MLXIP: variants seen among roughly 807,000 people sequenced by gnomAD.
MLXIP encodes the protein MLX interacting protein, also known as MLX-interacting protein.
A neutral mutation model predicts 87.2 loss-of-function variants in MLXIP; 30 were observed. The ratio of observed to expected loss-of-function variants is 0.34; its 90% CI spans 0.26 to 0.47. The LOEUF (loss-of-function observed/expected upper bound fraction) is 0.47, where lower values mean the gene tolerates loss of function less well. MLXIP is among the 20% of genes least tolerant of loss of function. The pLI is 1.00. For missense variants in MLXIP, 1,002 were observed against 1,240.1 expected (o/e 0.81, Z 2.88); for synonymous variants, 530 against 514.0 (o/e 1.03, Z -0.42).
chr12:122,116,939 G>A (rs1952701389), intron 1 of MLXIP, among the ~76,000 whole-genome samples: 1 of 152,216 alleles, frequency 6.6e-6, no homozygotes, highest in African/African-American at 2.4e-5. Flanking sequence ...GGAAGGCCTG[G>A]ACACAGCCCA....
At chr12:122,081,233 A>G (rs754074925) in intron 1 of MLXIP, among the ~76,000 whole-genome samples, 4 of 152,048 alleles carry the variant, frequency 2.6e-5, no homozygotes, top group Non-Finnish European at 5.9e-5. Flanking sequence ...CCCTGTGCCT[A>G]AGGTCTCCTG....
chr12:122,102,430 A>T (rs143679453), intron 1 of MLXIP, among the ~76,000 whole-genome samples: 76,806 of 151,966 alleles, frequency 0.51, 19,922 homozygotes, highest in Middle Eastern at 0.64. Flanking sequence ...GTGGGAGAGC[A>T]TCGAGATCCA....
Position 122,137,599 on chromosome 12 carries a change from T to C in MLXIP, c.2154+9T>C. 1.9e-6 allele frequency: 3 copies of C among 1,613,310 alleles called. No individual in the cohort carries two copies. Among genetic ancestry groups the C allele is most frequent in the Non-Finnish European group, 2.5e-6 (3 of 1,179,494 alleles). On this transcript the variant is annotated intron_variant, in intron 12 of 16. Coordinates refer to ENST00000319080, the MANE Select transcript of MLXIP (RefSeq NM_014938.6). The surrounding 1 kb of genome is among the most constrained non-coding windows in gnomAD (Gnocchi z 4.1). ...ATGTGGCTGCACTAAAGGTACCGCATGTCTCCTCTTGGTTCCCTTGGGAGG... is the reference window on the plus strand; with the variant it reads ...ATGTGGCTGCACTAAAGGTACCGCACGTCTCCTCTTGGTTCCCTTGGGAGG...
At position 122,133,241 on chromosome 12, in the gene MLXIP, C is replaced by G. The variant is rs900662793; in HGVS notation, c.1093-107C>G. 1.5e-5 allele frequency: 20 copies of G among 1,351,412 alleles called. No homozygotes were observed. The highest frequency in any genetic ancestry group is 2.0e-5 in the Non-Finnish European group (20 of 1,005,360). 83.7% of individuals were successfully genotyped at this position (1,351,412 alleles called of 1,614,324 possible). ...GGACGTGGAGACGTGGCCTTTGTCCCTCTGTCCCAGCGCCCGGCCTGTGTA... is the reference window on the plus strand; with the variant it reads ...GGACGTGGAGACGTGGCCTTTGTCCGTCTGTCCCAGCGCCCGGCCTGTGTA... On this transcript the variant is annotated intron_variant, in intron 8 of 16. Transcript: ENST00000319080. The surrounding 1 kb of genome is among the most constrained non-coding windows in gnomAD (Gnocchi z 4.9).
At chr12:122,098,337 A>G (rs1952387107) in intron 1 of MLXIP, among the ~76,000 whole-genome samples, 2 of 152,152 alleles carry the variant, frequency 1.3e-5, no homozygotes, top group Admixed American at 1.3e-4. Context: ...AGGTTCTTGG[A>G]AAGATGGGGA....
chr12:122,127,192 C>G (rs1952894995), intron 1 of MLXIP, 64 bp from the exon 2 acceptor site: 2 of 1,318,704 alleles, frequency 1.5e-6, no homozygotes, highest in East Asian at 2.4e-5. Context: ...TCGGGTGGCA[C>G]TTTGTAATTT....
chr12:122,133,460 C>T lies in MLXIP; in HGVS notation c.1205C>T (p.Thr402Ile). 6.2e-7 allele frequency: 1 copy of T among 1,613,370 alleles called. No individual in the cohort carries two copies. The highest frequency in any genetic ancestry group is 1.1e-5 in the South Asian group (1 of 91,072). The change falls in exon 9 of 17, where the codon ACC (threonine) becomes ATC (isoleucine). Residue 402 changes from threonine to isoleucine, a missense_variant. By Grantham distance (89) the Thr-to-Ile change is moderately conservative. Coordinates refer to ENST00000319080, the MANE Select transcript of MLXIP (RefSeq NM_014938.6). The surrounding 1 kb of genome is among the most constrained non-coding windows in gnomAD (Gnocchi z 4.9). ...ATGGATGAGCAGGGCTGTGAACACACCTCCCGGACTGAGGACCCGTTTATC... is the reference window on the plus strand; with the variant it reads ...ATGGATGAGCAGGGCTGTGAACACATCTCCCGGACTGAGGACCCGTTTATC... ...AHMDEQGCEHTSRTEDPFIQP... is the reference protein window; with the variant it reads ...AHMDEQGCEHISRTEDPFIQP...
intron 1 of MLXIP, among the ~76,000 whole-genome samples, chr12:122,098,134 C>T (rs1415065039): frequency 6.6e-6 from 1 of 152,200 alleles, no homozygotes; most frequent in Non-Finnish European, 1.5e-5. Flanking sequence ...TTGCTGGCTC[C>T]TTGGAGCTAT....
At chr12:122,120,287 A>G (rs1289221456) in intron 1 of MLXIP, among the ~76,000 whole-genome samples, 2 of 151,718 alleles carry the variant, frequency 1.3e-5, no homozygotes, top group Admixed American at 6.6e-5. Flanking sequence ...CAGTGGTACA[A>G]TAGTGGCTCA....
At position 122,138,921 on chromosome 12, in the gene MLXIP, A is replaced by C. The variant is rs777776691; in HGVS notation, c.2491A>C (p.Asn831His). The change falls in exon 15 of 17, where the codon AAT becomes CAT. Residue 831 changes from asparagine (N) to histidine (H), a missense_variant. Asn to His is a moderately conservative substitution (Grantham distance 68, BLOSUM62 1). Coordinates refer to ENST00000319080, the MANE Select transcript of MLXIP (RefSeq NM_014938.6). ...DEYVKTRTLQNWKFWIFSIII... is the reference protein window; with the variant it reads ...DEYVKTRTLQHWKFWIFSIII... ...ATACGTGAAAACCCGGACCTTGCAG[A>C]ATTGGAAGTTCTGGATTGTATCTTT... The C allele has an allele frequency of 6.2e-7, 1 of 1,614,036 alleles. No homozygotes were observed. Among genetic ancestry groups the C allele is most frequent in the South Asian group, 1.1e-5 (1 of 91,084 alleles).
chr12:122,088,491 G>A (rs891595604), intron 1 of MLXIP, among the ~76,000 whole-genome samples: 6 of 152,134 alleles, frequency 3.9e-5, no homozygotes, highest in African/African-American at 9.7e-5. Context: ...CATGTCATCC[G>A]CCTTTAAGTC....
intron 1 of MLXIP, among the ~76,000 whole-genome samples, chr12:122,105,787 A>G (rs887167990): frequency 6.6e-6 from 1 of 152,102 alleles, no homozygotes; most frequent in African/African-American, 2.4e-5. Context: ...CTCAAAAAAA[A>G]AAAAAACTTC....
chr12:122,129,437 A>G, intron 4 of MLXIP, 151 bp from the exon 5 acceptor site: 1 of 981,282 alleles, frequency 1.0e-6, no homozygotes, highest in African/African-American at 1.6e-5. Context: ...CCATCTGTGC[A>G]CTGGGTGGAA....
Position 122,131,441 on chromosome 12 carries a change from CT to C in MLXIP, c.1000+533del, listed in dbSNP as rs1174308802. ...GGTTTAGTCCTTGATTTGTTTGAGT[CT>C]TTTTTTTTTTTTTTTTTTTTTTTTA... is the stretch of plus-strand genomic sequence containing the variant. On this transcript the variant is annotated intron_variant, in intron 7 of 16. Coordinates refer to ENST00000319080, the MANE Select transcript of MLXIP (RefSeq NM_014938.6). Among the ~76,000 whole-genome samples the C allele has an allele frequency of 3.0e-3, 233 of 76,564 alleles. 3 individuals carry two copies. Among genetic ancestry groups the C allele is most frequent in the Admixed American group, 0.013 (74 of 5,482 alleles). The allele number at this position is 76,564 out of a possible 152,430, so 50.2% of individuals were successfully genotyped here. A position where few individuals can be genotyped will look rare whatever the true frequency, so the allele number is the denominator to read the frequency against.
At chr12:122,124,641 G>C in intron 1 of MLXIP, among the ~76,000 whole-genome samples, 1 of 151,238 alleles carries the variant, frequency 6.6e-6, no homozygotes, top group Non-Finnish European at 1.5e-5. Context: ...GCAAACATAA[G>C]AGAAAGGACT....
At position 122,133,955 on chromosome 12, in the gene MLXIP, C is replaced by T; in HGVS notation, c.1700C>T (p.Ser567Phe). ...IVPAPKPEPV[S>F]LVLKNARIAP... Reference sequence around the variant, plus strand: ...CCTGCTCCCAAACCAGAGCCCGTGTCCTTGGTGTTGAAGAATGCCCGTATC... The same window carrying T: ...CCTGCTCCCAAACCAGAGCCCGTGTTCTTGGTGTTGAAGAATGCCCGTATC... Residue 567 changes from serine (S) to phenylalanine (F), a missense_variant, in exon 9 of 17, where the codon TCC becomes TTC. Transcript: ENST00000319080. The surrounding 1 kb of genome is among the most constrained non-coding windows in gnomAD (Gnocchi z 4.9). 1 of 1,605,632 alleles carries T rather than the reference C, an allele frequency of 6.2e-7. No homozygotes were observed. The highest frequency in any genetic ancestry group is 1.1e-5 in the South Asian group (1 of 89,648).
intron 14 of MLXIP, 24 bp downstream of exon 14, chr12:122,138,575 C>G: frequency 1.3e-6 from 2 of 1,599,300 alleles, no homozygotes; most frequent in Non-Finnish European, 1.7e-6. Flanking sequence ...CCTTGGGGCT[C>G]CAACCAGGCA....
At chr12:122,122,900 C>A (rs1422171733) in intron 1 of MLXIP, among the ~76,000 whole-genome samples, 2 of 151,132 alleles carry the variant, frequency 1.3e-5, no homozygotes, top group Non-Finnish European at 3.0e-5. Flanking sequence ...GTTATATTGC[C>A]CAGGCTGGTC....
At chr12:122,087,755 G>A (rs1353837297) in intron 1 of MLXIP, among the ~76,000 whole-genome samples, 2 of 152,198 alleles carry the variant, frequency 1.3e-5, no homozygotes, top group African/African-American at 4.8e-5. Context: ...ACGGGTCTAG[G>A]GAGGGTGAGA....
Sources: allele counts gnomAD v4.1 joint callset (sites outside exome capture counted in the v4.1 genomes callset), GRCh38; gene constraint gnomAD v4.1.1; non-coding constraint Gnocchi (gnomAD v3.1); transcripts MANE v1.5; gene names NCBI Gene and HGNC (gene_info 2026-07-23, HGNC 2026-07-21).